Variants in GLRA3 observed in about 807,000 individuals in gnomAD.
GLRA3 encodes the protein glycine receptor subunit alpha-3.
A neutral mutation model predicts 60.4 loss-of-function variants in GLRA3; 44 were observed. The observed-to-expected ratio is 0.73, with a 90% CI of 0.57 to 0.94. The LOEUF (loss-of-function observed/expected upper bound fraction) is 0.94. Ranked by LOEUF, GLRA3 falls within the 40% of genes least tolerant of loss-of-function variation. The probability of loss-of-function intolerance (pLI) is 0.00; values close to 1 mark genes in which losing one functional copy is unlikely to be tolerated. For synonymous variants in GLRA3, 223 were observed against 192.9 expected, an observed-to-expected ratio of 1.16 and a Z score of -1.29; for missense variants, 508 against 564.6, an observed-to-expected ratio of 0.90 and a Z score of 1.02.
chr4:174,801,878 CTG>C (rs1739826055), intron 1 of GLRA3, among the ~76,000 whole-genome samples: 1 of 152,028 alleles, frequency 6.6e-6, no homozygotes, highest in African/African-American at 2.4e-5. Context: ...GCAATTGTAA[CTG>C]TCAATTTTTA....
At position 174,639,638 on chromosome 4, in the gene GLRA3, A is replaced by T. The variant is rs1004181814; in HGVS notation, c.*4148T>A. 2 of 152,130 alleles carry T rather than the reference A, an allele frequency of 1.3e-5. No homozygotes were observed. The highest frequency in any genetic ancestry group is 2.9e-5 in the Non-Finnish European group (2 of 68,014). 9.4% of individuals were successfully genotyped at this position (152,130 alleles called of 1,614,324 possible). ...CTATAAGTATCTTTGTTATGGAAGA[A>T]TATGCATCACTTTACTTTTGAAGTA... On this transcript the variant is annotated 3_prime_UTR_variant, in exon 10 of 10. Transcript: ENST00000274093.
intron 5 of GLRA3, among the ~76,000 whole-genome samples, chr4:174,686,418 A>C (rs1051516399): frequency 1.3e-5 from 2 of 152,200 alleles, no homozygotes; most frequent in African/African-American, 4.8e-5. Flanking sequence ...CCCAATGAAA[A>C]CTAATTTATT....
chr4:174,787,818 C>T (rs1739178718), intron 2 of GLRA3, among the ~76,000 whole-genome samples: 1 of 152,028 alleles, frequency 6.6e-6, no homozygotes, highest in Non-Finnish European at 1.5e-5. Flanking sequence ...AAATATTAAA[C>T]TCATTTTAAA....
At chr4:174,827,104 G>A (rs1340419168) in intron 1 of GLRA3, among the ~76,000 whole-genome samples, 1 of 151,796 alleles carries the variant, frequency 6.6e-6, no homozygotes, top group Non-Finnish European at 1.5e-5. Context: ...TCTTTTCAAA[G>A]AAGTACATTT....
rs141173610 is a variant in GLRA3, at chr4:174,674,201, C to T, written c.927+2877G>A. On this transcript the variant is annotated intron_variant, in intron 7 of 9. Transcript: ENST00000274093. Reference sequence around the variant, plus strand: ...GGCCCATTGCTGCACCCAAATTAAACCCAATCATTACCAAGGCCTATGAAG... The same window carrying T: ...GGCCCATTGCTGCACCCAAATTAAATCCAATCATTACCAAGGCCTATGAAG... 8.8e-3 allele frequency among the ~76,000 whole-genome samples: 1,338 copies of T among 152,182 alleles called. 17 individuals carry two copies. The highest frequency in any genetic ancestry group is 0.03 in the African/African-American group (1,262 of 41,522).
chr4:174,726,545 G>A (rs1353770963), intron 4 of GLRA3, among the ~76,000 whole-genome samples: 1 of 152,156 alleles, frequency 6.6e-6, no homozygotes, highest in Non-Finnish European at 1.5e-5. Context: ...GGCTTTTGTT[G>A]GGACTTTGAT....
At chr4:174,721,807 G>GAA (rs1410674740) in intron 4 of GLRA3, among the ~76,000 whole-genome samples, 3 of 13,588 alleles carry the variant, frequency 2.2e-4, no homozygotes, top group South Asian at 0.045. Context: ...AGATGTATAT[G>GAA]AAAAAATATG....
intron 6 of GLRA3, among the ~76,000 whole-genome samples, chr4:174,679,914 T>A (rs930502846): frequency 6.6e-6 from 1 of 152,164 alleles, no homozygotes; most frequent in South Asian, 2.1e-4. Context: ...TTAGAATGAA[T>A]AAATTCTAGT....
intron 3 of GLRA3, among the ~76,000 whole-genome samples, chr4:174,740,117 T>C (rs1015966908): frequency 2.0e-5 from 3 of 152,178 alleles, no homozygotes; most frequent in Non-Finnish European, 2.9e-5. Flanking sequence ...GCATCTAATT[T>C]AGTTGACACA....
intron 5 of GLRA3, among the ~76,000 whole-genome samples, chr4:174,693,135 T>C (rs1734922630): frequency 6.6e-6 from 1 of 152,178 alleles, no homozygotes; most frequent in Non-Finnish European, 1.5e-5. Flanking sequence ...ATAGTCTCTT[T>C]TACTGTGCAG....
intron 3 of GLRA3, among the ~76,000 whole-genome samples, chr4:174,737,388 T>C (rs781540164): frequency 3.3e-5 from 5 of 152,210 alleles, no homozygotes; most frequent in Non-Finnish European, 5.9e-5. Flanking sequence ...AACAAAGGAA[T>C]AGACATTATT....
chr4:174,645,853 G>A (rs1300568952), intron 9 of GLRA3, among the ~76,000 whole-genome samples: 9 of 152,252 alleles, frequency 5.9e-5, no homozygotes, highest in African/African-American at 2.2e-4. Flanking sequence ...TTGCCTTAAA[G>A]TTTTCCATAT....
chr4:174,779,744 A>G (rs373238761), intron 2 of GLRA3, among the ~76,000 whole-genome samples: 67 of 152,160 alleles, frequency 4.4e-4, no homozygotes, highest in African/African-American at 1.1e-3. Flanking sequence ...GAAATGAAGC[A>G]AGAAGGGAAG....
intron 3 of GLRA3, among the ~76,000 whole-genome samples, chr4:174,735,697 G>T (rs951138716): frequency 6.6e-6 from 1 of 151,940 alleles, no homozygotes; most frequent in African/African-American, 2.4e-5. Context: ...AGTAGCTGGG[G>T]TTACAGGCAC....
At chr4:174,716,889 C>T (rs1391567596) in intron 4 of GLRA3, among the ~76,000 whole-genome samples, 1 of 152,080 alleles carries the variant, frequency 6.6e-6, no homozygotes, top group African/African-American at 2.4e-5. Flanking sequence ...ACAAAGATGA[C>T]TAAATTAAAT....
At chr4:174,758,209 T>G (rs2111214708) in intron 3 of GLRA3, among the ~76,000 whole-genome samples, 1 of 152,224 alleles carries the variant, frequency 6.6e-6, no homozygotes, top group South Asian at 2.1e-4. Context: ...CAAAACAGAC[T>G]ATGACAAGAA....
chr4:174,770,029 T>C (rs998043119), intron 2 of GLRA3, among the ~76,000 whole-genome samples: 11 of 152,126 alleles, frequency 7.2e-5, no homozygotes, highest in African/African-American at 2.7e-4. Context: ...AACTATTTCA[T>C]TAGTTAGAAT....
intron 7 of GLRA3, among the ~76,000 whole-genome samples, chr4:174,663,212 A>G (rs1444041395): frequency 1.3e-5 from 2 of 152,142 alleles, no homozygotes; most frequent in African/African-American, 2.4e-5. Context: ...CCACTGGGCA[A>G]AGAGCAGTGC....
chr4:174,647,705 C>T (rs1732878663), intron 9 of GLRA3, among the ~76,000 whole-genome samples: 1 of 151,444 alleles, frequency 6.6e-6, no homozygotes, highest in African/African-American at 2.4e-5. Context: ...GGCAACAGGT[C>T]AAAATAACTT....
Sources: allele counts gnomAD v4.1 joint callset (sites outside exome capture counted in the v4.1 genomes callset), GRCh38; gene constraint gnomAD v4.1.1; transcripts MANE v1.5; gene names NCBI Gene and HGNC (gene_info 2026-07-23, HGNC 2026-07-21).